Variants in VPS36 observed in about 807,000 individuals in gnomAD.
VPS36 encodes the protein vacuolar protein sorting 36 homolog, also known as vacuolar protein-sorting-associated protein 36.
A neutral mutation model predicts 63.5 loss-of-function variants in VPS36; 31 were observed. That is an observed-to-expected ratio of 0.49 (90% CI 0.37 to 0.66). The LOEUF (loss-of-function observed/expected upper bound fraction) is 0.66. Among genes scored for constraint, VPS36 ranks in the 30% least tolerant of loss-of-function variants. VPS36 has a pLI of 0.00. For synonymous variants in VPS36, 138 were observed against 157.2 expected (o/e 0.88, Z 0.91); for missense variants, 338 against 463.7 (o/e 0.73, Z 2.49).
intron 2 of VPS36, among the ~76,000 whole-genome samples, chr13:52,439,971 T>C (rs1042521565): frequency 2.0e-5 from 3 of 152,018 alleles, no homozygotes; most frequent in Non-Finnish European, 4.4e-5. Context: ...ATCCCTTTAT[T>C]CATATGTTTA....
chr13:52,433,809 G>A (rs1309621111), intron 5 of VPS36, 61 bp from the exon 6 acceptor site: 1 of 1,458,250 alleles, frequency 6.9e-7, no homozygotes, highest in Non-Finnish European at 9.4e-7. Flanking sequence ...AAAATCTTTT[G>A]TAACCAACCA....
chr13:52,415,773 A>G lies in VPS36; in HGVS notation c.*57T>C, dbSNP rs1336090716. 4 of 1,523,032 alleles carry G rather than the reference A, an allele frequency of 2.6e-6. No individual in the cohort carries two copies. Among genetic ancestry groups the G allele is most frequent in the African/African-American group, 1.4e-5 (1 of 72,556 alleles). 94.3% of individuals were successfully genotyped at this position (1,523,032 alleles called of 1,614,324 possible). A position where few individuals can be genotyped will look rare whatever the true frequency, so the allele number is the denominator to read the frequency against. On this transcript the variant is annotated 3_prime_UTR_variant, in exon 14 of 14. Coordinates refer to ENST00000378060, the MANE Select transcript of VPS36 (RefSeq NM_016075.4). ...GGGGTTTATCTCTTAGCTCAATGTC[A>G]TACAACCTCTACATGACGCAAGCAT...
At chr13:52,423,291 T>C (rs1053559180) in intron 10 of VPS36, among the ~76,000 whole-genome samples, 6 of 151,786 alleles carry the variant, frequency 4.0e-5, no homozygotes, top group African/African-American at 1.5e-4. Flanking sequence ...TAAAGAAAAA[T>C]AGAAAAAGTT....
rs543019220 is a variant in VPS36, at chr13:52,418,553, G to A, written c.841-497C>T. Reference sequence around the variant, plus strand: ...TCGCACCATGCATTCTAGCCTGGGCGATAGTGCGAGACTCCATCTCAAAAA... The same window carrying A: ...TCGCACCATGCATTCTAGCCTGGGCAATAGTGCGAGACTCCATCTCAAAAA... On this transcript the variant is annotated intron_variant, in intron 10 of 13. Coordinates refer to ENST00000378060, the MANE Select transcript of VPS36 (RefSeq NM_016075.4). 4.6e-4 allele frequency among the ~76,000 whole-genome samples: 53 copies of A among 115,230 alleles called. 1 individual carries two copies. In the Admixed American group the frequency reaches 6.3e-3, roughly 14 times the overall value. 75.6% of individuals were successfully genotyped at this position (115,230 alleles called of 152,430 possible).
At chr13:52,436,544 G>T in intron 3 of VPS36, 140 bp from the exon 4 acceptor site, 1 of 651,930 alleles carries the variant, frequency 1.5e-6, no homozygotes, top group Non-Finnish European at 2.6e-6. Context: ...TCCTTTTAAA[G>T]TGTGTATTAA....
At chr13:52,450,090 G>T in intron 1 of VPS36, 1 of 989,480 alleles carries the variant, frequency 1.0e-6, no homozygotes, top group Non-Finnish European at 1.2e-6. Context: ...GTCCGGTGCC[G>T]ACGCCGAGGT....
In VPS36 at chr13:52,436,367, T is replaced by C. The variant is rs1483942214; in HGVS notation, c.274A>G (p.Asn92Asp). Reference protein sequence around the residue: ...IVVHLHPAPPNKEPGPFQSSK... With the variant: ...IVVHLHPAPPDKEPGPFQSSK... ...CTCTGGAATGGGCCAGGTTCTTTGT[T>C]AGGAGGAGCTGGGTGAAGATGAACC... is the stretch of plus-strand genomic sequence containing the variant. The change falls in exon 4 of 14, where the codon AAC becomes GAC. Residue 92 changes from asparagine (N) to aspartate (D), a missense_variant. Asn to Asp is a conservative substitution (Grantham distance 23, BLOSUM62 1). Transcript: ENST00000378060. 1.2e-6 allele frequency: 2 copies of C among 1,613,196 alleles called. No homozygotes were observed. Among genetic ancestry groups the C allele is most frequent in the Non-Finnish European group, 1.7e-6 (2 of 1,179,664 alleles).
intron 1 of VPS36, among the ~76,000 whole-genome samples, chr13:52,448,221 T>G (rs1051334214): frequency 2.0e-5 from 3 of 152,200 alleles, no homozygotes; most frequent in African/African-American, 7.2e-5. Flanking sequence ...CAATCTGGAC[T>G]GCAGTCCCTA....
intron 2 of VPS36, among the ~76,000 whole-genome samples, chr13:52,440,052 C>T (rs1467977865): frequency 2.0e-5 from 3 of 151,328 alleles, no homozygotes; most frequent in African/African-American, 7.3e-5. Context: ...AATCTAGGCT[C>T]ACTGCGACCT....
At chr13:52,423,445 T>G in intron 10 of VPS36, 129 bp downstream of exon 10, 1 of 695,040 alleles carries the variant, frequency 1.4e-6, no homozygotes, top group East Asian at 2.7e-5. Flanking sequence ...AGGACAGTAT[T>G]CTTTCACTGT....
At chr13:52,427,351 A>G (rs1958112743) in intron 6 of VPS36, 132 bp from the exon 7 acceptor site, 1 of 831,932 alleles carries the variant, frequency 1.2e-6, no homozygotes, top group Non-Finnish European at 1.9e-6. Context: ...CACGCCTATA[A>G]TCCCAGCACT....
chr13:52,434,464 C>T (rs1958192564), intron 5 of VPS36, among the ~76,000 whole-genome samples: 1 of 152,062 alleles, frequency 6.6e-6, no homozygotes, highest in African/African-American at 2.4e-5. Context: ...GTTCAGGTGA[C>T]TCTCCTGCCT....
At chr13:52,449,964 C>A (rs1032650117) in intron 1 of VPS36, 1 of 985,640 alleles carries the variant, frequency 1.0e-6, no homozygotes. Flanking sequence ...CAATCCCTCA[C>A]CCCTCTGCCC....
chr13:52,417,352 T>C (rs1411976870), intron 11 of VPS36, among the ~76,000 whole-genome samples: 1 of 152,218 alleles, frequency 6.6e-6, no homozygotes. Flanking sequence ...ATCTACATGC[T>C]AAATAAAATT....
chr13:52,436,659 T>A (rs1958221934), intron 3 of VPS36, among the ~76,000 whole-genome samples: 1 of 152,186 alleles, frequency 6.6e-6, no homozygotes, highest in Non-Finnish European at 1.5e-5. Flanking sequence ...GAGTGTGACT[T>A]TAGAAAATAA....
intron 6 of VPS36, among the ~76,000 whole-genome samples, chr13:52,428,807 T>C (rs763737944): frequency 1.1e-4 from 16 of 152,150 alleles, no homozygotes; most frequent in Non-Finnish European, 2.9e-5. Flanking sequence ...AATCACTGTA[T>C]TTATTATATT....
chr13:52,447,395 C>T (rs1417528637), intron 1 of VPS36, among the ~76,000 whole-genome samples: 1 of 152,168 alleles, frequency 6.6e-6, no homozygotes, highest in Non-Finnish European at 1.5e-5. Context: ...CTGATATATG[C>T]TGCCAACTTG....
At chr13:52,437,872 G>A (rs966241808) in intron 3 of VPS36, among the ~76,000 whole-genome samples, 1 of 151,962 alleles carries the variant, frequency 6.6e-6, no homozygotes, top group Non-Finnish European at 1.5e-5. Context: ...GGAGCTTGCA[G>A]TGAGCCAAGA....
At chr13:52,439,217 A>T in intron 2 of VPS36, 49 bp from the exon 3 acceptor site, 2 of 1,538,764 alleles carry the variant, frequency 1.3e-6, no homozygotes, top group Non-Finnish European at 1.8e-6. Context: ...CAACATCCAT[A>T]ACACTTGTCA....
Sources: gnomAD v4.1 joint callset for allele counts (sites outside exome capture counted in the v4.1 genomes callset) on GRCh38, gnomAD v4.1.1 for gene constraint, MANE v1.5 for transcripts, NCBI Gene and HGNC (gene_info 2026-07-23, HGNC 2026-07-21) for gene names.